The following ADARB2 variants were observed in gnomAD, a reference collection of about 807,000 sequenced individuals.
ADARB2 encodes the protein adenosine deaminase RNA specific B2 (inactive).
In ADARB2, 25 loss-of-function variants were observed where a neutral mutation model predicts 62.2. The observed-to-expected ratio is 0.40, with a 90% CI of 0.29 to 0.56. The LOEUF is 0.56. Ranked by LOEUF, ADARB2 falls within the 20% of genes least tolerant of loss-of-function variation. The pLI is 0.43. For synonymous variants in ADARB2, 572 were observed against 500.8 expected (o/e 1.14, Z -1.90); for missense variants, 1,071 against 1,077.4 (o/e 0.99, Z 0.08).
intron 1 of ADARB2, among the ~76,000 whole-genome samples, chr10:1,659,374 G>A (rs944321618): frequency 1.3e-5 from 2 of 152,142 alleles, no homozygotes; most frequent in African/African-American, 2.4e-5. Context: ...GGGGAAGGCC[G>A]GAGCCAGGCA....
chr10:1,414,036 C>T (rs987529583), intron 1 of ADARB2, among the ~76,000 whole-genome samples: 1 of 152,176 alleles, frequency 6.6e-6, no homozygotes, highest in Non-Finnish European at 1.5e-5. Context: ...AGACGCTGTT[C>T]AGGTCCCACT....
chr10:1,718,352 C>T (rs1055509462), intron 1 of ADARB2, among the ~76,000 whole-genome samples: 28 of 152,174 alleles, frequency 1.8e-4, no homozygotes, highest in African/African-American at 5.3e-4. Context: ...CATGGACGGT[C>T]AGGCTTCTGC....
chr10:1,627,550 T>C lies in ADARB2; in HGVS notation c.100+109501A>G, dbSNP rs890299439. ...AAAACCATAAGCTGTGAAAACTTCA[T>C]GTAGAAGTTTGCCCACAGCTACACA... On this transcript the variant is annotated intron_variant, in intron 1 of 9. Coordinates refer to ENST00000381312, the MANE Select transcript of ADARB2 (RefSeq NM_018702.4). Among the ~76,000 whole-genome samples the C allele has an allele frequency of 3.3e-5, 5 of 152,210 alleles. No individual in the cohort carries two copies. In the East Asian group the frequency reaches 5.8e-4, roughly 18 times the overall value.
chr10:1,444,996 A>T (rs558375939), intron 1 of ADARB2, among the ~76,000 whole-genome samples: 1 of 145,090 alleles, frequency 6.9e-6, no homozygotes, highest in Admixed American at 6.9e-5. Context: ...CAATCCATCC[A>T]TCTACATTCA....
chr10:1,464,950 G>A (rs11593949), intron 1 of ADARB2, among the ~76,000 whole-genome samples: 1 of 152,168 alleles, frequency 6.6e-6, no homozygotes, highest in Admixed American at 6.5e-5. Flanking sequence ...ACACGGGACT[G>A]CCCACAGTGG....
At chr10:1,295,984 G>A (rs1589182591) in intron 3 of ADARB2, among the ~76,000 whole-genome samples, 3 of 152,282 alleles carry the variant, frequency 2.0e-5, no homozygotes, top group African/African-American at 7.2e-5. Context: ...ACTGGGGTGG[G>A]GTGATATTGA....
intron 3 of ADARB2, among the ~76,000 whole-genome samples, chr10:1,359,971 C>T (rs555605778): frequency 6.6e-6 from 1 of 152,358 alleles, no homozygotes; most frequent in African/African-American, 2.4e-5. Flanking sequence ...AGACTTCCCT[C>T]CGGGATGGTT....
chr10:1,702,576 G>A (rs1005992622), intron 1 of ADARB2, among the ~76,000 whole-genome samples: 9 of 152,280 alleles, frequency 5.9e-5, no homozygotes, highest in South Asian at 2.1e-4. Flanking sequence ...TTGTCCAAGC[G>A]ATGGCTGCTA....
At chr10:1,634,227 C>T (rs1285151563) in intron 1 of ADARB2, among the ~76,000 whole-genome samples, 1 of 152,162 alleles carries the variant, frequency 6.6e-6, no homozygotes. Flanking sequence ...ACTCAATGGC[C>T]CAAGACCTAA....
chr10:1,454,591 A>T (rs1831075183), intron 1 of ADARB2, among the ~76,000 whole-genome samples: 2 of 152,150 alleles, frequency 1.3e-5, no homozygotes, highest in Admixed American at 6.5e-5. Context: ...AGGACAAACA[A>T]TGAACAATGT....
At chr10:1,622,626 T>C (rs997940148) in intron 1 of ADARB2, among the ~76,000 whole-genome samples, 7 of 152,192 alleles carry the variant, frequency 4.6e-5, no homozygotes, top group African/African-American at 1.4e-4. Context: ...CACAATGAGA[T>C]ACAGCTATAT....
At chr10:1,692,727 C>G (rs756979046) in intron 1 of ADARB2, among the ~76,000 whole-genome samples, 5 of 152,010 alleles carry the variant, frequency 3.3e-5, no homozygotes, top group Non-Finnish European at 5.9e-5. Context: ...TTTTTAAAAA[C>G]AATAAATACA....
At chr10:1,719,042 C>A (rs1835056779) in intron 1 of ADARB2, among the ~76,000 whole-genome samples, 1 of 152,050 alleles carries the variant, frequency 6.6e-6, no homozygotes, top group Admixed American at 6.5e-5. Context: ...CTCGCTGCAA[C>A]CTCTGCCTCC....
intron 1 of ADARB2, among the ~76,000 whole-genome samples, chr10:1,632,601 G>A (rs981045052): frequency 2.0e-5 from 3 of 152,228 alleles, no homozygotes; most frequent in Non-Finnish European, 2.9e-5. Context: ...GGTTCTCCAA[G>A]TCTGGTGAGA....
intron 1 of ADARB2, among the ~76,000 whole-genome samples, chr10:1,671,687 G>A (rs1273231807): frequency 1.3e-5 from 2 of 151,812 alleles, no homozygotes; most frequent in East Asian, 1.9e-4. Flanking sequence ...CCAGAGCATC[G>A]GTGCCACCTT....
intron 1 of ADARB2, among the ~76,000 whole-genome samples, chr10:1,479,703 G>A (rs535743541): frequency 4.5e-4 from 69 of 152,230 alleles, no homozygotes; most frequent in African/African-American, 1.6e-3. Flanking sequence ...ACACCAGGCC[G>A]GAGGTCAATT....
At chr10:1,312,923 A>G (rs915479489) in intron 3 of ADARB2, among the ~76,000 whole-genome samples, 5 of 152,054 alleles carry the variant, frequency 3.3e-5, no homozygotes, top group African/African-American at 9.7e-5. Context: ...CTTTTTATAG[A>G]TGGTGGGGGA....
intron 3 of ADARB2, among the ~76,000 whole-genome samples, chr10:1,306,143 T>C (rs543431523): frequency 2.0e-5 from 3 of 150,324 alleles, no homozygotes; most frequent in African/African-American, 7.3e-5. Context: ...ATGACATGAT[T>C]GTATATCTAG....
rs550475927 is a variant in ADARB2, at chr10:1,257,896, C to T, written c.1192+13059G>A. On this transcript the variant is annotated intron_variant, in intron 4 of 9. Transcript: ENST00000381312. ...AAGCAGGGAGTGTAAACCATGACCC[C>T]AGGTGCACACATTTGAAAGTCCACA... 1.5e-4 allele frequency among the ~76,000 whole-genome samples: 23 copies of T among 152,290 alleles called. No homozygotes were observed. In the South Asian group the frequency reaches 4.8e-3, roughly 32 times the overall value.
Sources: allele counts gnomAD v4.1 joint callset (sites outside exome capture counted in the v4.1 genomes callset), GRCh38; gene constraint gnomAD v4.1.1; transcripts MANE v1.5; gene names NCBI Gene and HGNC (gene_info 2026-07-23, HGNC 2026-07-21).